PARD3: variants seen among roughly 807,000 people sequenced by gnomAD.
PARD3 encodes par-3 family cell polarity regulator.
PARD3 carries 75 observed loss-of-function variants against 155.4 expected under a neutral mutation model. The observed-to-expected ratio is 0.48, with a 90% CI of 0.40 to 0.58. The LOEUF is 0.58. Ranked by LOEUF, PARD3 falls within the 20% of genes least tolerant of loss-of-function variation. The pLI is 0.00. For missense variants in PARD3, 1,642 were observed against 1,721.7 expected (o/e 0.95, Z 0.82); for synonymous variants, 576 against 610.5 (o/e 0.94, Z 0.83).
chr10:34,267,791 A>T (rs1955399950), intron 22 of PARD3, among the ~76,000 whole-genome samples: 1 of 152,312 alleles, frequency 6.6e-6, no homozygotes, highest in Admixed American at 6.5e-5. Flanking sequence ...CAATGGTACC[A>T]GCATCAAACC....
intron 1 of PARD3, among the ~76,000 whole-genome samples, chr10:34,814,403 C>T (rs536889638): frequency 6.6e-6 from 1 of 152,284 alleles, no homozygotes; most frequent in Non-Finnish European, 1.5e-5. Context: ...CGCAACCCGC[C>T]TCTGTCGGAA....
intron 22 of PARD3, among the ~76,000 whole-genome samples, chr10:34,230,352 T>A (rs182499068): frequency 1.2e-3 from 182 of 152,232 alleles, no homozygotes; most frequent in African/African-American, 4.3e-3. Context: ...CCCTTCTACC[T>A]CTACTCCAGA....
intron 2 of PARD3, among the ~76,000 whole-genome samples, chr10:34,651,936 C>T (rs1354887344): frequency 1.3e-5 from 2 of 152,140 alleles, no homozygotes; most frequent in Non-Finnish European, 2.9e-5. Flanking sequence ...ATGACTGGCC[C>T]CTAAGAAGTT....
chr10:34,185,696 T>C (rs1950455052), intron 22 of PARD3, among the ~76,000 whole-genome samples: 2 of 151,888 alleles, frequency 1.3e-5, no homozygotes, highest in Admixed American at 1.3e-4. Flanking sequence ...GGGCAGGCAG[T>C]GCCCACACCT....
At chr10:34,407,678 T>C (rs1448524540) in intron 5 of PARD3, among the ~76,000 whole-genome samples, 2 of 151,706 alleles carry the variant, frequency 1.3e-5, no homozygotes, top group Non-Finnish European at 2.9e-5. Flanking sequence ...ATGCAGAAAT[T>C]GGAAAAGAGC....
intron 2 of PARD3, chr10:34,675,597 T>C (rs1056202244): frequency 7.2e-5 from 11 of 152,772 alleles, no homozygotes; most frequent in African/African-American, 2.6e-4. Context: ...CCAACTTTTT[T>C]TTTTTTTTTG....
At chr10:34,668,064 G>A (rs1361524207) in intron 2 of PARD3, among the ~76,000 whole-genome samples, 1 of 152,132 alleles carries the variant, frequency 6.6e-6, no homozygotes, top group Admixed American at 6.5e-5. Context: ...GCCTGAAATG[G>A]TCAAGGTGGA....
chr10:34,516,607 T>G (rs914375395), intron 3 of PARD3, among the ~76,000 whole-genome samples: 2 of 152,244 alleles, frequency 1.3e-5, no homozygotes, highest in Non-Finnish European at 2.9e-5. Flanking sequence ...AAATGACGGT[T>G]GTAACAGAGT....
At chr10:34,378,288 A>C (rs1197232798) in intron 9 of PARD3, among the ~76,000 whole-genome samples, 182 bp from the exon 10 acceptor site, 2 of 152,228 alleles carry the variant, frequency 1.3e-5, no homozygotes, top group Non-Finnish European at 2.9e-5. Flanking sequence ...TGGAAGGTTT[A>C]AATGGTTTAC....
chr10:34,393,999 A>G (rs1213415542), intron 7 of PARD3, among the ~76,000 whole-genome samples: 1 of 151,738 alleles, frequency 6.6e-6, no homozygotes, highest in African/African-American at 2.4e-5. Context: ...CACCACGCCC[A>G]GCTAATTTTT....
chr10:34,364,980 T>C (rs957796064), intron 12 of PARD3, among the ~76,000 whole-genome samples: 3 of 152,178 alleles, frequency 2.0e-5, no homozygotes, highest in Non-Finnish European at 2.9e-5. Context: ...TGCTTTGCCA[T>C]AGAACACTAA....
chr10:34,554,452 T>C (rs886677277), intron 2 of PARD3, among the ~76,000 whole-genome samples: 4 of 152,344 alleles, frequency 2.6e-5, no homozygotes, highest in Middle Eastern at 3.4e-3. Context: ...TTAAGATCTT[T>C]CTTTGTACCA....
At chr10:34,296,972 C>T (rs368089447) in intron 20 of PARD3, among the ~76,000 whole-genome samples, 65 of 152,260 alleles carry the variant, frequency 4.3e-4, no homozygotes, top group African/African-American at 1.4e-3. Context: ...ACAAGACCCA[C>T]AAGACTAAAA....
At chr10:34,729,545 A>AG (rs1808319314) in intron 1 of PARD3, among the ~76,000 whole-genome samples, 1 of 151,488 alleles carries the variant, frequency 6.6e-6, no homozygotes, top group Non-Finnish European at 1.5e-5. Flanking sequence ...AAAAAAAAAA[A>AG]GATAAGATAA....
chr10:34,791,294 G>A (rs1337364354), intron 1 of PARD3, among the ~76,000 whole-genome samples: 1 of 152,126 alleles, frequency 6.6e-6, no homozygotes, highest in Non-Finnish European at 1.5e-5. Flanking sequence ...CCACTGGCCT[G>A]AGTCTCATCA....
intron 1 of PARD3, among the ~76,000 whole-genome samples, chr10:34,806,438 C>T (rs1843394493): frequency 6.6e-6 from 1 of 152,126 alleles, no homozygotes; most frequent in Non-Finnish European, 1.5e-5. Context: ...ATCCACCCAC[C>T]TCGGCCTCCC....
intron 5 of PARD3, among the ~76,000 whole-genome samples, chr10:34,405,293 A>G (rs1286329842): frequency 3.3e-5 from 5 of 152,148 alleles, no homozygotes; most frequent in Admixed American, 2.0e-4. Context: ...TAAATCTTTT[A>G]GGGCAATTAT....
At chr10:34,618,874 G>C (rs552195874) in intron 2 of PARD3, among the ~76,000 whole-genome samples, 14 of 151,978 alleles carry the variant, frequency 9.2e-5, no homozygotes, top group African/African-American at 3.4e-4. Flanking sequence ...AATATTTAAG[G>C]TCAACCACAA....
At chr10:34,125,258 G>C (rs1430379571) in intron 23 of PARD3, among the ~76,000 whole-genome samples, 1 of 151,944 alleles carries the variant, frequency 6.6e-6, no homozygotes, top group Non-Finnish European at 1.5e-5. Flanking sequence ...GTAGAGACGG[G>C]GTTTCACCAT....
Sources: gnomAD v4.1 joint callset for allele counts (sites outside exome capture counted in the v4.1 genomes callset) on GRCh38, gnomAD v4.1.1 for gene constraint, MANE v1.5 for transcripts, NCBI Gene and HGNC (gene_info 2026-07-23, HGNC 2026-07-21) for gene names.